Variants in SBNO2 observed in about 807,000 individuals in gnomAD.
SBNO2 encodes the protein strawberry notch homolog 2.
SBNO2 carries 89 observed loss-of-function variants against 146.3 expected under a neutral mutation model. The ratio of observed to expected loss-of-function variants is 0.61; its 90% CI spans 0.51 to 0.73. The LOEUF is 0.73. Ranked by LOEUF, SBNO2 falls within the 30% of genes least tolerant of loss-of-function variation. The probability of loss-of-function intolerance (pLI) is 0.00; values close to 1 mark genes in which losing one functional copy is unlikely to be tolerated. For missense variants in SBNO2, 2,092 were observed against 2,003.7 expected (o/e 1.04, Z -0.84); for synonymous variants, 1,147 against 892.6 (o/e 1.29, Z -5.08).
intron 4 of SBNO2, among the ~76,000 whole-genome samples, chr19:1,142,288 C>T (rs1018541729): frequency 4.5e-5 from 3 of 67,296 alleles, no homozygotes; most frequent in African/African-American, 1.4e-4. Flanking sequence ...ATCAATCTGC[C>T]CCTCAGTGGC....
intron 1 of SBNO2, among the ~76,000 whole-genome samples, chr19:1,164,798 AGGAGGAGGAGGAGGAGCAGGAGGAG>A (rs1471532271): frequency 3.8e-3 from 2 of 522 alleles, no homozygotes; most frequent in Non-Finnish European, 9.0e-3. Context: ...TGGAGACAGG[AGGAGGAGGAGGAGGAGCAGGAGGAG>A]GGAGGAGGAA....
intron 4 of SBNO2, among the ~76,000 whole-genome samples, chr19:1,133,778 G>A (rs1037668080): frequency 3.3e-5 from 5 of 152,078 alleles, no homozygotes; most frequent in East Asian, 1.9e-4. Context: ...CACAGCCACC[G>A]CTCAACCCAG....
chr19:1,138,352 TG>T (rs1253486043), intron 4 of SBNO2, among the ~76,000 whole-genome samples: 1 of 151,584 alleles, frequency 6.6e-6, no homozygotes, highest in Non-Finnish European at 1.5e-5. Flanking sequence ...CGGGAGGCTC[TG>T]GGCACAGAGG....
Position 1,108,951 on chromosome 19 carries a change from C to CA in SBNO2, c.3443dup (p.Ala1149GlyfsTer5), listed in dbSNP as rs1568547071. The CA allele has an allele frequency of 6.5e-7, 1 of 1,548,552 alleles. No homozygotes were observed. Reference sequence around the variant, plus strand: ...GCAGGCAGTCCTTACCCTCCTGCGCCAGCCGGCAGTGCCGGTTCCTGCGGA... The same window carrying CA: ...GCAGGCAGTCCTTACCCTCCTGCGCCAAGCCGGCAGTGCCGGTTCCTGCGGA... On this transcript the variant is annotated frameshift_variant, in exon 31 of 32. Coordinates refer to ENST00000361757, the MANE Select transcript of SBNO2 (RefSeq NM_014963.3). LOFTEE classifies it high-confidence loss of function.
rs1211728804 is a variant in SBNO2 at position 1,110,907 on chromosome 19, A to C, written c.2885-19T>G. On this transcript the variant is annotated intron_variant, in intron 25 of 31. Coordinates refer to ENST00000361757, the MANE Select transcript of SBNO2 (RefSeq NM_014963.3). The surrounding 1 kb of genome is among the most constrained non-coding windows in gnomAD (Gnocchi z 4.9). ...GAACAGTCTGGTAGGGGAGGGAGCC[A>C]AGCCTCAGGCTGCGCTGGGAATCCC... is the stretch of plus-strand genomic sequence containing the variant. 6.2e-7 allele frequency: 1 copy of C among 1,612,598 alleles called. No homozygotes were observed. Among genetic ancestry groups the C allele is most frequent in the Non-Finnish European group, 8.5e-7 (1 of 1,178,888 alleles).
chr19:1,113,642 G>C lies in SBNO2; in HGVS notation c.2140C>G (p.Leu714Val), dbSNP rs1348724501. ...GPGVLERVER[L>V]KQDLLDKVRR... is the part of the protein sequence containing the mutation. ...ACTTTGTCCAGCAGATCCTGCTTCA[G>C]CCGCTCCACCCGCTCCAGGACCCCG... The change falls in exon 19 of 32, where the codon CTG (leucine) becomes GTG (valine). Residue 714 changes from leucine (L) to valine (V), a missense_variant. Transcript: ENST00000361757. 1.3e-6 allele frequency: 2 copies of C among 1,598,944 alleles called. No individual in the cohort carries two copies. Among genetic ancestry groups the C allele is most frequent in the African/African-American group, 2.7e-5 (2 of 73,304 alleles).
At chr19:1,149,714 G>A (rs188938147) in intron 2 of SBNO2, among the ~76,000 whole-genome samples, 28 of 152,348 alleles carry the variant, frequency 1.8e-4, no homozygotes, top group South Asian at 4.1e-4. Flanking sequence ...TGCTCTACCA[G>A]CAGCCCCATG....
In SBNO2 at chr19:1,122,744, G is replaced by A. The variant is rs764944473; in HGVS notation, c.828C>T (p.Ile276=). 23 of 1,537,324 alleles carry A rather than the reference G, an allele frequency of 1.5e-5. No individual in the cohort carries two copies. The highest frequency in any genetic ancestry group is 5.9e-5 in the Admixed American group (3 of 50,962). ...LPSGQRAGFL[I]GDGAGVGKGR... Reference sequence around the variant, plus strand: ...CTTTGCCCACGCCGGCCCCATCGCCGATGAGAAAGCCCGCGCGCTGCCCGC... The same window carrying A: ...CTTTGCCCACGCCGGCCCCATCGCCAATGAGAAAGCCCGCGCGCTGCCCGC... The change falls in exon 9 of 32, where the codon ATC becomes ATT. Residue 276 remains isoleucine (I), a synonymous_variant. Coordinates refer to ENST00000361757, the MANE Select transcript of SBNO2 (RefSeq NM_014963.3).
intron 5 of SBNO2, 151 bp downstream of exon 5, chr19:1,127,453 A>G: frequency 1.1e-5 from 8 of 745,464 alleles, no homozygotes; most frequent in South Asian, 8.3e-5. Context: ...TAACCACCTC[A>G]TCCATGGCCA....
At chr19:1,119,336 C>T (rs910543574) in intron 13 of SBNO2, among the ~76,000 whole-genome samples, 172 bp from the exon 14 acceptor site, 4 of 152,164 alleles carry the variant, frequency 2.6e-5, no homozygotes, top group Admixed American at 1.3e-4. Context: ...GGAAGGGCTG[C>T]GGAGGGGCTG....
rs372550885 is a variant in SBNO2, at chr19:1,112,261, A to G, written c.2556T>C (p.Tyr852=). Residue 852 remains tyrosine (Y), a synonymous_variant, in exon 22 of 32, where the codon TAT becomes TAC. Coordinates refer to ENST00000361757, the MANE Select transcript of SBNO2 (RefSeq NM_014963.3). This position sits in a 1 kb window ranked among gnomAD's most constrained non-coding sequence, Gnocchi z 5.9. The part of the protein sequence containing the change: ...HRSNQVSAPE[Y]VFLISELAGE... ...CGGCCAGCTCCGAGATGAGGAAGAC[A>G]TACTCTGGCGCGGAGACCTGGTTGG... 1.1e-5 allele frequency: 17 copies of G among 1,592,844 alleles called. 1 individual carries two copies. The highest frequency in any genetic ancestry group is 9.1e-5 in the East Asian group (4 of 44,006).
At position 1,122,248 on chromosome 19, in the gene SBNO2, A is replaced by G; in HGVS notation, c.1040T>C (p.Val347Ala). ...KYGDTTTSEGVLFATYSALIG... is the reference protein window; with the variant it reads ...KYGDTTTSEGALFATYSALIG... Reference sequence around the variant, plus strand: ...CAGGGCGGAGTAGGTGGCGAAGAGGACGCCCTCTGAGGTAGTGGTGTCACC... The same window carrying G: ...CAGGGCGGAGTAGGTGGCGAAGAGGGCGCCCTCTGAGGTAGTGGTGTCACC... The change falls in exon 11 of 32, where the codon GTC becomes GCC. Residue 347 changes from valine to alanine, a missense_variant. Physicochemically the swap from Val to Ala is moderately conservative, Grantham distance 64. Transcript: ENST00000361757. 6.3e-7 allele frequency: 1 copy of G among 1,580,782 alleles called. No homozygotes were observed. The highest frequency in any genetic ancestry group is 8.6e-7 in the Non-Finnish European group (1 of 1,163,750).
At chr19:1,118,861 G>A (rs909830993) in intron 14 of SBNO2, 150 bp downstream of exon 14, 2 of 747,516 alleles carry the variant, frequency 2.7e-6, no homozygotes, top group Non-Finnish European at 4.2e-6. Flanking sequence ...GACAGCACGA[G>A]ACTGTCTCAA....
intron 2 of SBNO2, among the ~76,000 whole-genome samples, chr19:1,151,380 A>G (rs938615253): frequency 3.3e-5 from 5 of 152,174 alleles, no homozygotes; most frequent in Admixed American, 1.3e-4. Context: ...TACCCAGGCC[A>G]GGCTAGGGGA....
chr19:1,149,494 A>T, intron 2 of SBNO2, 52 bp from the exon 3 acceptor site: 2 of 1,488,224 alleles, frequency 1.3e-6, no homozygotes, highest in Non-Finnish European at 1.8e-6. Context: ...CCTGCGGTGC[A>T]GCCCGGCTAA....
At chr19:1,119,198 AGAGCCCGTGGGGATG>A in intron 13 of SBNO2, 34 bp from the exon 14 acceptor site, 1 of 1,569,290 alleles carries the variant, frequency 6.4e-7, no homozygotes. Flanking sequence ...GAGCACGGCC[AGAGCCCGTGGGGATG>A]GAGCCACTCG....
rs774711245 is a variant in SBNO2 at position 1,113,541 on chromosome 19, C to T, written c.2241G>A (p.Val747=). ...GCTGCCACGTCCCACCCACCTCCGCCACCCGCTGGGGGCCGCCCAGCTGGT... is the reference window on the plus strand; with the variant it reads ...GCTGCCACGTCCCACCCACCTCCGCTACCCGCTGGGGGCCGCCCAGCTGGT... ...LIDQLGGPQR[V]AEMTGRKGRV... Residue 747 remains valine, a synonymous_variant, in exon 19 of 32, where the codon GTG becomes GTA. Transcript: ENST00000361757. 1.3e-6 allele frequency: 2 copies of T among 1,594,122 alleles called. No individual in the cohort carries two copies. The highest frequency in any genetic ancestry group is 1.7e-6 in the Non-Finnish European group (2 of 1,172,326).
chr19:1,121,914 G>C (rs975796882), intron 11 of SBNO2, among the ~76,000 whole-genome samples: 1 of 152,128 alleles, frequency 6.6e-6, no homozygotes, highest in East Asian at 1.9e-4. Flanking sequence ...TCTTCTATCC[G>C]GAGTCCTAAA....
intron 4 of SBNO2, among the ~76,000 whole-genome samples, chr19:1,138,620 C>T (rs969169830): frequency 6.6e-6 from 1 of 152,108 alleles, no homozygotes; most frequent in Non-Finnish European, 1.5e-5. Context: ...CACAAGCGTC[C>T]ATCACGGACA....
Sources: gnomAD v4.1 joint callset for allele counts (sites outside exome capture counted in the v4.1 genomes callset) on GRCh38, gnomAD v4.1.1 for gene constraint, Gnocchi (gnomAD v3.1) non-coding constraint, MANE v1.5 for transcripts, NCBI Gene and HGNC (gene_info 2026-07-23, HGNC 2026-07-21) for gene names.